Variants in UBE2E3 observed in about 807,000 individuals in gnomAD.
UBE2E3 encodes the protein ubiquitin conjugating enzyme E2 E3, also known as ubiquitin-conjugating enzyme E2 E3.
In UBE2E3, 5 loss-of-function variants were observed where a neutral mutation model predicts 23.6. The ratio of observed to expected loss-of-function variants is 0.21; its 90% confidence interval spans 0.11 to 0.44. The LOEUF (loss-of-function observed/expected upper bound fraction) is 0.44, where lower values mean the gene tolerates loss of function less well. Among genes scored for constraint, UBE2E3 ranks in the 20% least tolerant of loss-of-function variants. The pLI is 0.99. For synonymous variants in UBE2E3, 78 were observed against 87.5 expected, an observed-to-expected ratio of 0.89 and a Z score of 0.60; for missense variants, 81 against 249.8, an observed-to-expected ratio of 0.32 and a Z score of 4.55.
At chr2:181,037,556 T>C (rs1686335849) in intron 3 of UBE2E3, among the ~76,000 whole-genome samples, 1 of 152,070 alleles carries the variant, frequency 6.6e-6, no homozygotes, top group African/African-American at 2.4e-5. Context: ...CTTTTAAAAA[T>C]AAAAAAGCTT....
At chr2:181,036,756 T>G (rs148008817) in intron 3 of UBE2E3, among the ~76,000 whole-genome samples, 1 of 152,238 alleles carries the variant, frequency 6.6e-6, no homozygotes, top group African/African-American at 2.4e-5. Flanking sequence ...TTTTCTTAAC[T>G]GTATGTATAG....
At chr2:181,033,869 T>C (rs1299962854) in intron 3 of UBE2E3, among the ~76,000 whole-genome samples, 2 of 152,154 alleles carry the variant, frequency 1.3e-5, no homozygotes, top group Non-Finnish European at 2.9e-5. Context: ...GGGCGAAGGA[T>C]ATGAACAGAC....
intron 3 of UBE2E3, among the ~76,000 whole-genome samples, chr2:181,046,335 A>G (rs1686672881): frequency 6.6e-6 from 1 of 152,196 alleles, no homozygotes; most frequent in Non-Finnish European, 1.5e-5. Context: ...AATACTTGCT[A>G]GCAGAAGATA....
chr2:181,031,510 T>C (rs532652896), intron 3 of UBE2E3, among the ~76,000 whole-genome samples: 1 of 152,184 alleles, frequency 6.6e-6, no homozygotes, highest in Admixed American at 6.6e-5. Context: ...ACTCTGTGTG[T>C]TTTTATTTAT....
intron 3 of UBE2E3, among the ~76,000 whole-genome samples, chr2:181,032,369 A>T (rs1235655798): frequency 6.6e-6 from 1 of 152,188 alleles, no homozygotes. Flanking sequence ...GATAAAAAAT[A>T]TATATTATCC....
rs1684251321 is a variant in UBE2E3 at position 180,980,774 on chromosome 2, C to T, written c.-225C>T. On this transcript the variant is annotated 5_prime_UTR_variant, in exon 1 of 6. Coordinates refer to ENST00000410062, the MANE Select transcript of UBE2E3 (RefSeq NM_006357.4). The surrounding 1 kb of genome is among the most constrained non-coding windows in gnomAD (Gnocchi z 5.5). ...CGAAGGCGCTGGGCGGCGCCACCCT[C>T]CGGCCGGAGCCCGGCACTGCACAAC... 1 of 149,128 alleles carries T rather than the reference C, an allele frequency of 6.7e-6. No individual in the cohort carries two copies. Among genetic ancestry groups the T allele is most frequent in the Non-Finnish European group, 1.5e-5 (1 of 66,874 alleles). The allele number at this position is 149,128 out of a possible 1,614,324, so 9.2% of individuals were successfully genotyped here.
chr2:181,042,578 G>T (rs1022833166), intron 3 of UBE2E3, among the ~76,000 whole-genome samples: 1 of 152,206 alleles, frequency 6.6e-6, no homozygotes, highest in African/African-American at 2.4e-5. Context: ...TGGTGAAAGA[G>T]TGCCAAACTG....
chr2:181,043,316 A>G (rs767570022), intron 3 of UBE2E3, among the ~76,000 whole-genome samples: 2 of 152,234 alleles, frequency 1.3e-5, no homozygotes, highest in Non-Finnish European at 2.9e-5. Flanking sequence ...GTAAGGAATG[A>G]TGGTGATGCC....
chr2:180,988,284 TAGTC>T (rs974682627), intron 3 of UBE2E3, among the ~76,000 whole-genome samples: 36 of 152,226 alleles, frequency 2.4e-4, no homozygotes, highest in African/African-American at 1.4e-4. Context: ...AATTTTATCT[TAGTC>T]AGTTCACCAG....
intron 3 of UBE2E3, among the ~76,000 whole-genome samples, chr2:181,020,014 C>T (rs1438454485): frequency 1.3e-5 from 2 of 152,120 alleles, no homozygotes; most frequent in Non-Finnish European, 2.9e-5. Context: ...CATACGTCAA[C>T]CCCTGACAAC....
intron 3 of UBE2E3, 71 bp from the exon 4 acceptor site, chr2:181,057,622 T>C (rs1687024961): frequency 7.6e-7 from 1 of 1,320,932 alleles, no homozygotes; most frequent in East Asian, 2.3e-5. Flanking sequence ...CTTTAACACT[T>C]CCCTGGTTTT....
intron 3 of UBE2E3, among the ~76,000 whole-genome samples, chr2:181,029,580 G>A (rs186545294): frequency 3.1e-4 from 46 of 149,188 alleles, no homozygotes; most frequent in South Asian, 6.3e-4. Flanking sequence ...TTTTTATCTA[G>A]CAACCTTGTA....
At chr2:181,014,142 C>A (rs1685417723) in intron 3 of UBE2E3, among the ~76,000 whole-genome samples, 1 of 152,132 alleles carries the variant, frequency 6.6e-6, no homozygotes, top group Admixed American at 6.6e-5. Context: ...GTATTAAATG[C>A]AGTGCCATAT....
chr2:181,004,764 C>T (rs976360478), intron 3 of UBE2E3, among the ~76,000 whole-genome samples: 3 of 152,216 alleles, frequency 2.0e-5, no homozygotes, highest in Non-Finnish European at 2.9e-5. Context: ...AAGGCTAAGG[C>T]ATCATAGCCT....
chr2:180,997,827 T>A (rs1684873107), intron 3 of UBE2E3, among the ~76,000 whole-genome samples: 1 of 152,184 alleles, frequency 6.6e-6, no homozygotes, highest in African/African-American at 2.4e-5. Context: ...CTTCAAGTGG[T>A]AGTGATCTTT....
intron 3 of UBE2E3, among the ~76,000 whole-genome samples, chr2:180,993,329 G>A (rs1400689002): frequency 6.6e-6 from 1 of 152,206 alleles, no homozygotes; most frequent in Non-Finnish European, 1.5e-5. Context: ...GAACTGTGGT[G>A]TAGTCTGCCT....
intron 3 of UBE2E3, among the ~76,000 whole-genome samples, chr2:181,042,218 G>T (rs994153500): frequency 7.9e-5 from 12 of 152,140 alleles, no homozygotes; most frequent in Non-Finnish European, 1.8e-4. Flanking sequence ...CTTGTCTTAG[G>T]AATCAGAGAA....
At chr2:181,038,428 C>G (rs1283769743) in intron 3 of UBE2E3, among the ~76,000 whole-genome samples, 1 of 152,128 alleles carries the variant, frequency 6.6e-6, no homozygotes, top group Non-Finnish European at 1.5e-5. Context: ...AGGTCATATT[C>G]TTGTTGTTAA....
chr2:181,038,441 A>G (rs78291276), intron 3 of UBE2E3, among the ~76,000 whole-genome samples: 1 of 152,250 alleles, frequency 6.6e-6, no homozygotes, highest in African/African-American at 2.4e-5. Context: ...GTTGTTAAAC[A>G]TTAAGTGACA....
Sources: gnomAD v4.1 joint callset for allele counts (sites outside exome capture counted in the v4.1 genomes callset) on GRCh38, gnomAD v4.1.1 for gene constraint, Gnocchi (gnomAD v3.1) non-coding constraint, MANE v1.5 for transcripts, NCBI Gene and HGNC (gene_info 2026-07-23, HGNC 2026-07-21) for gene names.